Variants in SEMA5B observed in about 807,000 individuals in gnomAD.
SEMA5B encodes semaphorin-5B.
In SEMA5B, 66 loss-of-function variants were observed where a neutral mutation model predicts 135.0. The observed-to-expected ratio is 0.49, with a 90% CI of 0.40 to 0.60. The LOEUF (loss-of-function observed/expected upper bound fraction) is 0.60. SEMA5B is among the 20% of genes least tolerant of loss of function. The pLI, the probability that SEMA5B is intolerant of heterozygous loss-of-function variation, is 0.00. For missense variants in SEMA5B, 1,501 were observed against 1,566.3 expected, an observed-to-expected ratio of 0.96 and a Z score of 0.70; for synonymous variants, 690 against 639.5, an observed-to-expected ratio of 1.08 and a Z score of -1.19.
intron 21 of SEMA5B, 152 bp downstream of exon 21, chr3:122,911,339 T>A: frequency 1.3e-6 from 2 of 1,538,070 alleles, no homozygotes; most frequent in Non-Finnish European, 1.7e-6. Flanking sequence ...TGGAGGGAAC[T>A]GCCCAGACCA....
intron 1 of SEMA5B, among the ~76,000 whole-genome samples, chr3:122,979,742 G>A (rs1269294047): frequency 2.0e-5 from 3 of 152,314 alleles, no homozygotes; most frequent in Non-Finnish European, 4.4e-5. Context: ...GGCCGGGACC[G>A]TGTTGTCTCC....
intron 1 of SEMA5B, among the ~76,000 whole-genome samples, chr3:123,018,048 C>T (rs1434427515): frequency 3.9e-5 from 6 of 152,066 alleles, no homozygotes; most frequent in African/African-American, 9.7e-5. Context: ...ACTAATGCCA[C>T]GAGTCAGGGG....
intron 2 of SEMA5B, among the ~76,000 whole-genome samples, chr3:122,955,671 C>G (rs894838214): frequency 6.6e-6 from 1 of 152,218 alleles, no homozygotes; most frequent in East Asian, 1.9e-4. Flanking sequence ...GGCTGCTCTA[C>G]CTGGTTGCAA....
rs1360867203 is a variant in SEMA5B, at chr3:122,912,988, G to T, written c.2580C>A (p.Gly860=). The change falls in exon 18 of 23, where the codon GGC becomes GGA. Residue 860 remains glycine (G), a synonymous_variant. Transcript: ENST00000357599. ...AGTCCCGGGAGCAGGACGACCACGG[G>T]CCCCAGGCGGCCCAGCCCCCGCTCA... ...HTVSGGWAAW[G]PWSSCSRDCE... is the part of the protein sequence containing the mutation. 6.2e-7 allele frequency: 1 copy of T among 1,608,656 alleles called. No homozygotes were observed. Among genetic ancestry groups the T allele is most frequent in the South Asian group, 1.1e-5 (1 of 90,676 alleles).
chr3:122,997,518 T>TCTCCCCGCCC (rs764169923), intron 1 of SEMA5B, among the ~76,000 whole-genome samples: 1 of 142,884 alleles, frequency 7.0e-6, no homozygotes, highest in African/African-American at 2.6e-5. Context: ...CCCAGGCCTC[T>TCTCCCCGCCC]CCCCCCCCCG....
Position 122,912,007 on chromosome 3 carries a change from G to C in SEMA5B, c.2959C>G (p.Arg987Gly), listed in dbSNP as rs1477643381. 6.2e-7 allele frequency: 1 copy of C among 1,613,582 alleles called. No homozygotes were observed. The highest frequency in any genetic ancestry group is 1.7e-5 in the Admixed American group (1 of 59,976). Residue 987 changes from arginine (R) to glycine (G), a missense_variant, in exon 20 of 23, where the codon CGG (arginine) becomes GGG (glycine). By Grantham distance (125) the Arg-to-Gly change is moderately radical. Coordinates refer to ENST00000357599, the MANE Select transcript of SEMA5B (RefSeq NM_001031702.4). ...CTDDGAQSRS[R>G]HCEELLPGSS... is the part of the protein sequence containing the mutation. ...CCTGGGAGGAGCTCCTCACAGTGCCGGCTTCGGCTCTGGGCTCCGTCGTCA... is the reference window on the plus strand; with the variant it reads ...CCTGGGAGGAGCTCCTCACAGTGCCCGCTTCGGCTCTGGGCTCCGTCGTCA...
intron 1 of SEMA5B, among the ~76,000 whole-genome samples, chr3:122,973,164 G>A (rs1469132277): frequency 6.6e-6 from 1 of 152,216 alleles, no homozygotes; most frequent in African/African-American, 2.4e-5. Context: ...ACTGGGGCAG[G>A]AAAGAGAAAT....
chr3:122,941,779 T>C (rs758111225), intron 4 of SEMA5B, among the ~76,000 whole-genome samples: 2 of 152,252 alleles, frequency 1.3e-5, no homozygotes, highest in Non-Finnish European at 2.9e-5. Context: ...AAGGATCACA[T>C]CAAGGCCAGT....
chr3:122,934,069 G>T (rs1055284522), intron 5 of SEMA5B, among the ~76,000 whole-genome samples: 1 of 126,156 alleles, frequency 7.9e-6, no homozygotes, highest in African/African-American at 2.7e-5. Flanking sequence ...CACCACACCC[G>T]GCTAATTTTG....
At chr3:122,982,056 T>C (rs1029486059) in intron 1 of SEMA5B, among the ~76,000 whole-genome samples, 1 of 152,006 alleles carries the variant, frequency 6.6e-6, no homozygotes. Flanking sequence ...TAGAGAGAGG[T>C]TGGGAGCCAT....
chr3:122,990,085 A>G (rs1479069931), intron 1 of SEMA5B, among the ~76,000 whole-genome samples: 1 of 152,154 alleles, frequency 6.6e-6, no homozygotes, highest in Non-Finnish European at 1.5e-5. Context: ...CACACAAGGC[A>G]TTTCAAAGCC....
intron 1 of SEMA5B, among the ~76,000 whole-genome samples, chr3:122,973,095 C>A (rs1056281353): frequency 1.3e-5 from 2 of 152,110 alleles, no homozygotes; most frequent in African/African-American, 4.8e-5. Context: ...ATAGTTAGAT[C>A]CCAAGGTCTC....
At chr3:122,996,001 G>T (rs1271735298) in intron 1 of SEMA5B, among the ~76,000 whole-genome samples, 1 of 152,250 alleles carries the variant, frequency 6.6e-6, no homozygotes, top group Non-Finnish European at 1.5e-5. Context: ...TGGCTTGGAG[G>T]TGCTCCGAAC....
At chr3:122,931,904 G>A (rs958342868) in intron 5 of SEMA5B, among the ~76,000 whole-genome samples, 6 of 152,160 alleles carry the variant, frequency 3.9e-5, no homozygotes, top group Non-Finnish European at 1.5e-5. Context: ...AACGTCGAGG[G>A]GTTGCTGTTG....
chr3:122,914,478 C>T (rs1403200591), intron 14 of SEMA5B, among the ~76,000 whole-genome samples: 1 of 152,218 alleles, frequency 6.6e-6, no homozygotes, highest in African/African-American at 2.4e-5. Flanking sequence ...AATCTGGGCT[C>T]TACCATTTGC....
chr3:122,909,327 G>A lies in SEMA5B; in HGVS notation c.*816C>T, dbSNP rs1937598009. The A allele has an allele frequency of 6.5e-6, 1 of 152,682 alleles. No individual in the cohort carries two copies. Among genetic ancestry groups the A allele is most frequent in the Admixed American group, 6.5e-5 (1 of 15,276 alleles). 9.5% of individuals were successfully genotyped at this position (152,682 alleles called of 1,614,324 possible). A position where few individuals can be genotyped will look rare whatever the true frequency, so the allele number is the denominator to read the frequency against. ...CCTGAACAGATGAAGGGCCAGCAGA[G>A]ACTCCCAAGCAGGTCTCAGCCAACA... On this transcript the variant is annotated 3_prime_UTR_variant, in exon 23 of 23. Transcript: ENST00000357599.
At chr3:122,986,597 G>GTA (rs1298955456) in intron 1 of SEMA5B, among the ~76,000 whole-genome samples, 2 of 146,146 alleles carry the variant, frequency 1.4e-5, no homozygotes, top group Admixed American at 1.4e-4. Context: ...GCATATTTGT[G>GTA]TGTGTGTGTG....
At chr3:122,927,759 G>T in intron 8 of SEMA5B, 31 bp downstream of exon 8, 2 of 1,386,278 alleles carry the variant, frequency 1.4e-6, no homozygotes, top group South Asian at 1.8e-5. Context: ...AACCAGGGGA[G>T]TCCCCACCCC....
chr3:122,935,712 A>T, intron 5 of SEMA5B, among the ~76,000 whole-genome samples: 4 of 20,500 alleles, frequency 2.0e-4, no homozygotes, highest in Admixed American at 9.5e-4. Flanking sequence ...TTTTTTTTTG[A>T]CAGATTCTCG....
Sources: allele counts gnomAD v4.1 joint callset (sites outside exome capture counted in the v4.1 genomes callset), GRCh38; gene constraint gnomAD v4.1.1; transcripts MANE v1.5; gene names NCBI Gene and HGNC (gene_info 2026-07-23, HGNC 2026-07-21).